The following HS3ST3B1 variants were observed in gnomAD, a reference collection of about 807,000 sequenced individuals.
The protein encoded by HS3ST3B1 is heparan sulfate glucosamine 3-O-sulfotransferase 3B1.
Under a neutral mutation model 21.3 loss-of-function variants are expected in HS3ST3B1, and 13 were observed. The observed-to-expected ratio is 0.61, with a 90% CI of 0.40 to 0.97. HS3ST3B1 has a LOEUF of 0.97. HS3ST3B1 is among the 50% of genes least tolerant of loss of function. HS3ST3B1 has a pLI of 0.00. For missense variants in HS3ST3B1, 459 were observed against 554.8 expected (o/e 0.83, Z 1.73); for synonymous variants, 234 against 254.8 (o/e 0.92, Z 0.78).
At chr17:14,309,777 C>T (rs1909248939) in intron 1 of HS3ST3B1, among the ~76,000 whole-genome samples, 1 of 152,178 alleles carries the variant, frequency 6.6e-6, no homozygotes, top group South Asian at 2.1e-4. Context: ...ATGTTCGGCT[C>T]CCGAGTCCTG....
At chr17:14,310,460 G>C (rs1368444833) in intron 1 of HS3ST3B1, among the ~76,000 whole-genome samples, 1 of 152,216 alleles carries the variant, frequency 6.6e-6, no homozygotes, top group Non-Finnish European at 1.5e-5. Flanking sequence ...TTGTGGATTT[G>C]AAAGAGGCAA....
chr17:14,337,786 G>C (rs982891326), intron 1 of HS3ST3B1, among the ~76,000 whole-genome samples: 12 of 151,616 alleles, frequency 7.9e-5, no homozygotes, highest in African/African-American at 2.9e-4. Flanking sequence ...TCTTGGATTA[G>C]CTGAACAACT....
chr17:14,341,204 T>C (rs1910370157), intron 1 of HS3ST3B1, among the ~76,000 whole-genome samples: 1 of 152,222 alleles, frequency 6.6e-6, no homozygotes, highest in Non-Finnish European at 1.5e-5. Context: ...GTTCAGCTAC[T>C]GACAAGCCCT....
chr17:14,337,595 C>T (rs1045846007), intron 1 of HS3ST3B1, among the ~76,000 whole-genome samples: 12 of 151,660 alleles, frequency 7.9e-5, no homozygotes, highest in African/African-American at 2.9e-4. Flanking sequence ...ACCTCAGCCT[C>T]CAAAGTGCTG....
At chr17:14,337,251 C>A (rs1401342281) in intron 1 of HS3ST3B1, among the ~76,000 whole-genome samples, 2 of 151,808 alleles carry the variant, frequency 1.3e-5, no homozygotes, top group African/African-American at 4.8e-5. Flanking sequence ...TTACTGGTAG[C>A]CTGATTCATA....
Position 14,301,511 on chromosome 17 carries a change from G to A in HS3ST3B1, c.-8G>A. 6.6e-7 allele frequency: 1 copy of A among 1,515,530 alleles called. No individual in the cohort carries two copies. 93.9% of individuals were successfully genotyped at this position (1,515,530 alleles called of 1,614,324 possible). ...AGCCATGTCCCTGGCCGCGCCCGCG[G>A]GCAGCGCATGGGGCAGCGCCTGAGT... On this transcript the variant is annotated 5_prime_UTR_variant, in exon 1 of 2. Transcript: ENST00000360954.
Position 14,301,605 on chromosome 17 carries a change from G to A in HS3ST3B1, c.87G>A (p.Val29=), listed in dbSNP as rs201337138. 728 of 1,605,000 alleles carry A rather than the reference G, an allele frequency of 4.5e-4. 1 individual carries two copies. Among genetic ancestry groups the A allele is most frequent in the Middle Eastern group, 1.3e-3 (8 of 6,062 alleles). ...LPQPPPPPPP[V]RRKLALLFAM... ...AGCCGCCGCCGCCCCCGCCGCCGGT[G>A]AGGAGGAAGCTCGCGCTGCTCTTCG... Residue 29 remains valine, a synonymous_variant, in exon 1 of 2, where the codon GTG becomes GTA. Transcript: ENST00000360954.
intron 1 of HS3ST3B1, 145 bp downstream of exon 1, chr17:14,302,217 G>C (rs1281809443): frequency 2.9e-6 from 3 of 1,022,548 alleles, no homozygotes; most frequent in African/African-American, 3.3e-5. Context: ...ATTGCGCAGC[G>C]CATCCTGTCC....
At chr17:14,309,252 T>C (rs972193685) in intron 1 of HS3ST3B1, among the ~76,000 whole-genome samples, 8 of 152,204 alleles carry the variant, frequency 5.3e-5, no homozygotes, top group Non-Finnish European at 1.2e-4. Context: ...TCGCCGCCTC[T>C]GGCCCGGGGG....
intron 1 of HS3ST3B1, among the ~76,000 whole-genome samples, chr17:14,309,422 T>C (rs1000239195): frequency 1.3e-5 from 2 of 152,208 alleles, no homozygotes; most frequent in Admixed American, 6.5e-5. Context: ...TGAGCCTGGC[T>C]GAGCGGCCCG....
At chr17:14,326,912 A>G (rs1215449831) in intron 1 of HS3ST3B1, among the ~76,000 whole-genome samples, 1 of 140,294 alleles carries the variant, frequency 7.1e-6, no homozygotes, top group Non-Finnish European at 1.5e-5. Flanking sequence ...CAAGAGTGAA[A>G]CTCTGTCTCA....
chr17:14,318,346 G>A (rs1007898948), intron 1 of HS3ST3B1, among the ~76,000 whole-genome samples: 6 of 152,136 alleles, frequency 3.9e-5, no homozygotes, highest in African/African-American at 1.4e-4. Flanking sequence ...CGGGAGAGGG[G>A]ATGAGGGAAT....
rs1910552451 is a variant in HS3ST3B1 at position 14,345,788 on chromosome 17, C to G, written c.*142C>G. ...ATTCACTAAGCTGCCTAGCCACACTCTTTAGAGAGTTAGCTTCATAATCTG... is the reference window on the plus strand; with the variant it reads ...ATTCACTAAGCTGCCTAGCCACACTGTTTAGAGAGTTAGCTTCATAATCTG... On this transcript the variant is annotated 3_prime_UTR_variant, in exon 2 of 2. Coordinates refer to ENST00000360954, the MANE Select transcript of HS3ST3B1 (RefSeq NM_006041.3). The G allele has an allele frequency of 9.4e-7, 1 of 1,066,476 alleles. No homozygotes were observed. Among genetic ancestry groups the G allele is most frequent in the East Asian group, 2.7e-5 (1 of 37,176 alleles). The allele number at this position is 1,066,476 out of a possible 1,614,324, so 66.1% of individuals were successfully genotyped here. A position where few individuals can be genotyped will look rare whatever the true frequency, so the allele number is the denominator to read the frequency against.
intron 1 of HS3ST3B1, among the ~76,000 whole-genome samples, chr17:14,320,996 G>T (rs561226259): frequency 9.2e-5 from 14 of 152,344 alleles, no homozygotes; most frequent in Admixed American, 2.6e-4. Flanking sequence ...GGTGGGATGT[G>T]TGTGTACAAC....
At chr17:14,309,756 C>G (rs1205586279) in intron 1 of HS3ST3B1, among the ~76,000 whole-genome samples, 2 of 152,206 alleles carry the variant, frequency 1.3e-5, no homozygotes, top group Admixed American at 1.3e-4. Context: ...GCGGAGATGT[C>G]TGTTCTCCGA....
intron 1 of HS3ST3B1, chr17:14,304,401 T>C (rs1438895484): frequency 6.6e-6 from 1 of 152,258 alleles, no homozygotes; most frequent in Non-Finnish European, 1.5e-5. Flanking sequence ...TTGGTGGATA[T>C]TTTCCAAGGG....
intron 1 of HS3ST3B1, among the ~76,000 whole-genome samples, chr17:14,322,898 C>CTTTTT (rs34065582): frequency 2.0e-4 from 19 of 94,596 alleles, no homozygotes; most frequent in African/African-American, 2.6e-4. Context: ...GTGTCTATGT[C>CTTTTT]TTTTTTTTTT....
Position 14,349,282 on chromosome 17 carries a change from C to T in HS3ST3B1, c.*3636C>T, listed in dbSNP as rs1158212191. 1 of 152,102 alleles carries T rather than the reference C, an allele frequency of 6.6e-6. No homozygotes were observed. The highest frequency in any genetic ancestry group is 2.4e-5 in the African/African-American group (1 of 41,416). 9.4% of individuals were successfully genotyped at this position (152,102 alleles called of 1,614,324 possible). On this transcript the variant is annotated 3_prime_UTR_variant, in exon 2 of 2. Coordinates refer to ENST00000360954, the MANE Select transcript of HS3ST3B1 (RefSeq NM_006041.3). Reference sequence around the variant, plus strand: ...AGCCAATATGTACAAAAAATTAAATCAAGTATTTTGTCCTATGTATAACAC... The same window carrying T: ...AGCCAATATGTACAAAAAATTAAATTAAGTATTTTGTCCTATGTATAACAC...
intron 1 of HS3ST3B1, among the ~76,000 whole-genome samples, chr17:14,321,156 A>G (rs1909646714): frequency 6.6e-6 from 1 of 152,176 alleles, no homozygotes; most frequent in Non-Finnish European, 1.5e-5. Context: ...TTTCCCCAGG[A>G]TTGCTCACTC....
Sources: gnomAD v4.1 joint callset for allele counts (sites outside exome capture counted in the v4.1 genomes callset) on GRCh38, gnomAD v4.1.1 for gene constraint, MANE v1.5 for transcripts, NCBI Gene and HGNC (gene_info 2026-07-23, HGNC 2026-07-21) for gene names.